Variants in NPHS1 observed in about 807,000 individuals in gnomAD.
NPHS1 encodes the protein nephrin.
In NPHS1, 107 loss-of-function variants were observed where a neutral mutation model predicts 139.7. The ratio of observed to expected loss-of-function variants is 0.77; its 90% CI spans 0.66 to 0.90. The LOEUF is 0.90. Ranked by LOEUF, NPHS1 falls within the 40% of genes least tolerant of loss-of-function variation. NPHS1 has a pLI of 0.00. For missense variants in NPHS1, 1,580 were observed against 1,654.2 expected (o/e 0.96, Z 0.78); for synonymous variants, 707 against 706.6 (o/e 1.00, Z -0.01).
chr19:35,848,465 C>A, intron 9 of NPHS1, 68 bp from the exon 10 acceptor site: 1 of 1,608,068 alleles, frequency 6.2e-7, no homozygotes, highest in Non-Finnish European at 8.5e-7. Flanking sequence ...AGGCCTGAGT[C>A]CATCCCAGTC....
intron 16 of NPHS1, 186 bp downstream of exon 16, chr19:35,843,917 C>T: frequency 4.8e-6 from 4 of 830,572 alleles, no homozygotes; most frequent in Non-Finnish European, 7.3e-6. Flanking sequence ...AGAGATTCCA[C>T]ACTGGGTCTC....
At position 35,851,475 on chromosome 19, in the gene NPHS1, C is replaced by G; in HGVS notation, c.256G>C (p.Glu86Gln). 6.2e-7 allele frequency: 1 copy of G among 1,613,592 alleles called. No homozygotes were observed. The highest frequency in any genetic ancestry group is 8.5e-7 in the Non-Finnish European group (1 of 1,179,990). Residue 86 changes from glutamate to glutamine, a missense_variant, in exon 2 of 29, where the codon GAA becomes CAA. Physicochemically the swap from Glu to Gln is conservative, Grantham distance 29. Coordinates refer to ENST00000378910, the MANE Select transcript of NPHS1 (RefSeq NM_004646.4). ...CCCTTACCTCTAGCAGGGTCCCCTT[C>G]CAGGCGGTACCTCGGGAAGCCTGGG... ...RIPGFPRYRLEGDPARGEFHL... is the reference protein window; with the variant it reads ...RIPGFPRYRLQGDPARGEFHL...
chr19:35,832,793 A>C (rs1292585817), intron 23 of NPHS1, among the ~76,000 whole-genome samples: 1 of 145,686 alleles, frequency 6.9e-6, no homozygotes, highest in Admixed American at 6.9e-5. Flanking sequence ...AGGCTGAGGC[A>C]GGGGAATCAC....
intron 20 of NPHS1, among the ~76,000 whole-genome samples, chr19:35,841,372 TCAACAACAA>T (rs150955536): frequency 0.056 from 8,467 of 151,366 alleles, 783 homozygotes; most frequent in African/African-American, 0.19. Context: ...AATCTCCATT[TCAACAACAA>T]CAACAACAAC....
intron 23 of NPHS1, among the ~76,000 whole-genome samples, chr19:35,835,212 A>G (rs1183608868): frequency 2.6e-5 from 4 of 151,102 alleles, no homozygotes; most frequent in African/African-American, 9.7e-5. Context: ...AAAAAAAAAA[A>G]AAAAAAAGAA....
intron 23 of NPHS1, among the ~76,000 whole-genome samples, chr19:35,834,605 A>C (rs1244236177): frequency 6.6e-6 from 1 of 152,098 alleles, no homozygotes; most frequent in Non-Finnish European, 1.5e-5. Context: ...AAGAAAAAAA[A>C]AATTGGCCAG....
At chr19:35,843,923 GTC>G (rs1684794049) in intron 16 of NPHS1, 178 bp downstream of exon 16, 1 of 844,528 alleles carries the variant, frequency 1.2e-6, no homozygotes, top group South Asian at 1.8e-5. Flanking sequence ...TCCACACTGG[GTC>G]TCTCTAGTGG....
At chr19:35,827,773 C>T (rs564093170) in intron 28 of NPHS1, among the ~76,000 whole-genome samples, 111 of 152,092 alleles carry the variant, frequency 7.3e-4, no homozygotes, top group African/African-American at 2.2e-3. Context: ...AAAAATTAGC[C>T]GGGCATGATG....
chr19:35,848,558 G>A, intron 9 of NPHS1, 79 bp downstream of exon 9: 1 of 1,593,418 alleles, frequency 6.3e-7, no homozygotes, highest in East Asian at 2.2e-5. Context: ...CAGGCTGCTG[G>A]ACCCACCCCT....
chr19:35,837,587 T>TTCTCTCTCTC (rs58943001), intron 22 of NPHS1, among the ~76,000 whole-genome samples: 1 of 149,164 alleles, frequency 6.7e-6, no homozygotes. Flanking sequence ...GCTTCTTTCT[T>TTCTCTCTCTC]TCTCTCTCTC....
intron 23 of NPHS1, among the ~76,000 whole-genome samples, chr19:35,835,334 C>A: frequency 9.1e-6 from 1 of 109,502 alleles, no homozygotes; most frequent in Non-Finnish European, 1.7e-5. Flanking sequence ...GGGTCTCCCT[C>A]TGTTGCCAAG....
In NPHS1 at chr19:35,845,496, C is replaced by G. The variant is rs114615449; in HGVS notation, c.1802G>C (p.Gly601Ala). The G allele has an allele frequency of 4.9e-4, 797 of 1,613,458 alleles. 4 individuals are homozygous for G. The East Asian group carries it at 0.014, about 29-fold the overall frequency. ...AAPPRRAPFKGSAAARSVLLQ... is the reference protein window; with the variant it reads ...AAPPRRAPFKASAAARSVLLQ... ...AAGGACGCTCCTGGCGGCGGCGGAGCCTTTGAATGGGGCTCTCCGGGGTGG... is the reference window on the plus strand; with the variant it reads ...AAGGACGCTCCTGGCGGCGGCGGAGGCTTTGAATGGGGCTCTCCGGGGTGG... The change falls in exon 14 of 29, where the codon GGC (glycine) becomes GCC (alanine). Residue 601 changes from glycine (G) to alanine (A), a missense_variant. Physicochemically the swap from Gly to Ala is moderately conservative, Grantham distance 60. Coordinates refer to ENST00000378910, the MANE Select transcript of NPHS1 (RefSeq NM_004646.4). This position sits in a 1 kb window ranked among gnomAD's most constrained non-coding sequence, Gnocchi z 5.5.
chr19:35,848,841 C>T, intron 8 of NPHS1, 47 bp from the exon 9 acceptor site: 2 of 1,613,358 alleles, frequency 1.2e-6, no homozygotes, highest in Non-Finnish European at 1.7e-6. Context: ...GGATTTCTCA[C>T]AGACCAGCCC....
chr19:35,845,407 G>A lies in NPHS1; in HGVS notation c.1891C>T (p.Arg631Cys), dbSNP rs1425829820. ...VTCRAHSAEL[R>C]ETVSSFYRLN... The stretch of plus-strand genomic sequence containing the variant: ...CGATAGAAGGAGCTCACGGTTTCGC[G>A]GAGCTCGGCGCTGTGGGCGCGGCAG... The change falls in exon 14 of 29, where the codon CGC (arginine) becomes TGC (cysteine). Residue 631 changes from arginine to cysteine, a missense_variant. Transcript: ENST00000378910. This position sits in a 1 kb window ranked among gnomAD's most constrained non-coding sequence, Gnocchi z 5.5. 2 of 1,614,246 alleles carry A rather than the reference G, an allele frequency of 1.2e-6. No individual in the cohort carries two copies. Among genetic ancestry groups the A allele is most frequent in the Admixed American group, 1.7e-5 (1 of 60,034 alleles).
Position 35,849,159 on chromosome 19 carries a change from G to A in NPHS1, c.841-12C>T, listed in dbSNP as rs532123637. 4 of 1,611,630 alleles carry A rather than the reference G, an allele frequency of 2.5e-6. No homozygotes were observed. In the East Asian group the frequency reaches 6.7e-5, roughly 27 times the overall value. ...ACCGGCTGGCCATTCTGGAGACAGG[G>A]ACAGGCCTGGGCCAGCTCAGGACTG... On this transcript the variant is annotated splice_polypyrimidine_tract_variant and intron_variant, in intron 7 of 28. Coordinates refer to ENST00000378910, the MANE Select transcript of NPHS1 (RefSeq NM_004646.4).
At chr19:35,850,505 G>T (rs971824867) in intron 4 of NPHS1, 60 bp from the exon 5 acceptor site, 10 of 1,457,082 alleles carry the variant, frequency 6.9e-6, no homozygotes, top group Middle Eastern at 3.5e-4. Context: ...ATTCTGGGGA[G>T]CATGGCCTGG....
Position 35,848,253 on chromosome 19 carries a change from A to AT in NPHS1, c.1314dup (p.Tyr439IlefsTer9). 2.5e-6 allele frequency: 4 copies of AT among 1,613,968 alleles called. No homozygotes were observed. The highest frequency in any genetic ancestry group is 3.4e-6 in the Non-Finnish European group (4 of 1,179,976). ...TTGCTGGGCCAGGGCAGGGGCTCAC[A>AT]TTTTACGTTCAGGATGAGCGACTTC... On this transcript the variant is annotated frameshift_variant and splice_region_variant, in exon 10 of 29. Transcript: ENST00000378910. LOFTEE classifies it high-confidence loss of function.
At chr19:35,836,609 G>A (rs968786190) in intron 22 of NPHS1, among the ~76,000 whole-genome samples, 2 of 152,056 alleles carry the variant, frequency 1.3e-5, no homozygotes, top group Non-Finnish European at 2.9e-5. Flanking sequence ...GGAGTGGGGT[G>A]GGGGGAAGAG....
chr19:35,829,612 C>T (rs772915112), intron 28 of NPHS1, among the ~76,000 whole-genome samples: 1 of 151,676 alleles, frequency 6.6e-6, no homozygotes, highest in Non-Finnish European at 1.5e-5. Flanking sequence ...GATCTCGGCT[C>T]ACTGCAACCT....
Sources: gnomAD v4.1 joint callset for allele counts (sites outside exome capture counted in the v4.1 genomes callset) on GRCh38, gnomAD v4.1.1 for gene constraint, Gnocchi (gnomAD v3.1) non-coding constraint, MANE v1.5 for transcripts, NCBI Gene and HGNC (gene_info 2026-07-23, HGNC 2026-07-21) for gene names.